The following LRRC4C variants were observed in gnomAD, a reference collection of about 807,000 sequenced individuals.
LRRC4C encodes leucine-rich repeat-containing protein 4C.
Under a neutral mutation model 33.6 loss-of-function variants are expected in LRRC4C, and 5 were observed. The ratio of observed to expected loss-of-function variants is 0.15; its 90% CI spans 0.08 to 0.31. LRRC4C has a LOEUF of 0.31. Among genes scored for constraint, LRRC4C ranks in the 10% least tolerant of loss-of-function variants. The probability of loss-of-function intolerance (pLI) is 1.00; values close to 1 mark genes in which losing one functional copy is unlikely to be tolerated. For synonymous variants in LRRC4C, 329 were observed against 302.0 expected, an observed-to-expected ratio of 1.09 and a Z score of -0.93; for missense variants, 560 against 796.7, an observed-to-expected ratio of 0.70 and a Z score of 3.58.
intron 1 of LRRC4C, among the ~76,000 whole-genome samples, chr11:41,369,864 A>C (rs959638878): frequency 3.3e-5 from 5 of 152,224 alleles, no homozygotes; most frequent in Non-Finnish European, 5.9e-5. Flanking sequence ...ATGGATTTGC[A>C]TGATGACAAG....
intron 5 of LRRC4C, among the ~76,000 whole-genome samples, chr11:40,142,047 C>A (rs1385567373): frequency 2.0e-5 from 3 of 151,954 alleles, no homozygotes; most frequent in African/African-American, 7.2e-5. Flanking sequence ...CTCTCGGAGG[C>A]CGAGGTGGGT....
At chr11:40,237,747 C>A (rs1200800909) in intron 5 of LRRC4C, among the ~76,000 whole-genome samples, 1 of 152,060 alleles carries the variant, frequency 6.6e-6, no homozygotes, top group East Asian at 1.9e-4. Context: ...AATATCTATG[C>A]CCTTGAAGTT....
At chr11:40,349,369 T>C (rs1947281097) in intron 3 of LRRC4C, among the ~76,000 whole-genome samples, 1 of 151,936 alleles carries the variant, frequency 6.6e-6, no homozygotes. Flanking sequence ...AGACCTCCAG[T>C]TCCGTCTATG....
intron 1 of LRRC4C, among the ~76,000 whole-genome samples, chr11:41,109,312 C>T (rs1465282461): frequency 6.6e-6 from 1 of 151,974 alleles, no homozygotes; most frequent in Non-Finnish European, 1.5e-5. Flanking sequence ...GCTCTCATGC[C>T]TTCACTGTTT....
chr11:41,253,071 A>G (rs896359788), intron 1 of LRRC4C, among the ~76,000 whole-genome samples: 1 of 152,132 alleles, frequency 6.6e-6, no homozygotes, highest in Admixed American at 6.6e-5. Flanking sequence ...GATCATTCAC[A>G]TGGCTATTTC....
intron 1 of LRRC4C, among the ~76,000 whole-genome samples, chr11:41,416,913 T>C (rs1466892925): frequency 6.6e-6 from 1 of 152,032 alleles, no homozygotes; most frequent in Non-Finnish European, 1.5e-5. Flanking sequence ...GCGTGGCAAC[T>C]GAGTAATGAG....
At chr11:41,132,149 G>A (rs966407199) in intron 1 of LRRC4C, among the ~76,000 whole-genome samples, 2 of 152,122 alleles carry the variant, frequency 1.3e-5, no homozygotes, top group South Asian at 4.1e-4. Context: ...GTCTGGATCA[G>A]ACCCTTTTCC....
intron 1 of LRRC4C, among the ~76,000 whole-genome samples, chr11:41,045,886 A>G (rs1392478889): frequency 6.6e-6 from 1 of 152,158 alleles, no homozygotes; most frequent in Non-Finnish European, 1.5e-5. Flanking sequence ...AACCCCCAGT[A>G]TCCTTATGTA....
chr11:41,004,829 C>A (rs1854625092), intron 1 of LRRC4C, among the ~76,000 whole-genome samples: 1 of 151,886 alleles, frequency 6.6e-6, no homozygotes, highest in South Asian at 2.1e-4. Flanking sequence ...ATTTTGAAGC[C>A]CCGGAGGTAT....
intron 1 of LRRC4C, among the ~76,000 whole-genome samples, chr11:41,278,778 C>A (rs1290235019): frequency 1.3e-5 from 2 of 152,020 alleles, no homozygotes; most frequent in African/African-American, 4.8e-5. Context: ...GCAATTATAG[C>A]AATTCATTGC....
At chr11:41,327,629 C>T (rs1291427034) in intron 1 of LRRC4C, among the ~76,000 whole-genome samples, 1 of 152,158 alleles carries the variant, frequency 6.6e-6, no homozygotes, top group African/African-American at 2.4e-5. Context: ...TATGGTTTGG[C>T]TGTGTCCCCA....
chr11:40,580,111 GA>G (rs2135636519), intron 3 of LRRC4C, among the ~76,000 whole-genome samples: 1 of 151,258 alleles, frequency 6.6e-6, no homozygotes, highest in South Asian at 2.1e-4. Context: ...AAGGGAGTGA[GA>G]AAAAATGCTA....
chr11:41,418,487 A>C (rs1339585466), intron 1 of LRRC4C, among the ~76,000 whole-genome samples: 1 of 151,984 alleles, frequency 6.6e-6, no homozygotes, highest in Non-Finnish European at 1.5e-5. Flanking sequence ...TATGTTCTGT[A>C]CTTAAGCCTG....
intron 2 of LRRC4C, among the ~76,000 whole-genome samples, chr11:40,653,190 G>T (rs576065224): frequency 5.3e-5 from 8 of 152,296 alleles, no homozygotes; most frequent in African/African-American, 1.9e-4. Flanking sequence ...CTGATATAAA[G>T]ATACCTGAAA....
intron 1 of LRRC4C, among the ~76,000 whole-genome samples, chr11:41,205,412 AG>A (rs1486874139): frequency 4.6e-5 from 7 of 152,194 alleles, no homozygotes; most frequent in Non-Finnish European, 1.0e-4. Context: ...TCAAGGCAGG[AG>A]ACAGCAGTGG....
chr11:40,463,579 C>G (rs980104520), intron 3 of LRRC4C, among the ~76,000 whole-genome samples: 1 of 151,962 alleles, frequency 6.6e-6, no homozygotes, highest in Non-Finnish European at 1.5e-5. Context: ...CTGGAAATAA[C>G]TCAATGTAAA....
chr11:40,415,922 A>G (rs1665745441), intron 3 of LRRC4C, among the ~76,000 whole-genome samples: 1 of 152,238 alleles, frequency 6.6e-6, no homozygotes. Flanking sequence ...TGTATGAGCT[A>G]TGAAATAGAA....
intron 3 of LRRC4C, among the ~76,000 whole-genome samples, chr11:40,462,584 G>A (rs1952452301): frequency 6.6e-6 from 1 of 152,030 alleles, no homozygotes; most frequent in Admixed American, 6.6e-5. Flanking sequence ...TGTTCTCAAA[G>A]ACCTTATGAA....
chr11:40,283,191 A>C (rs527877876), intron 4 of LRRC4C, among the ~76,000 whole-genome samples: 2 of 152,232 alleles, frequency 1.3e-5, no homozygotes, highest in Admixed American at 1.3e-4. Context: ...ATATTAAATT[A>C]GCACTAAAAT....
Sources: gnomAD v4.1 joint callset for allele counts (sites outside exome capture counted in the v4.1 genomes callset) on GRCh38, gnomAD v4.1.1 for gene constraint, MANE v1.5 for transcripts, NCBI Gene and HGNC (gene_info 2026-07-23, HGNC 2026-07-21) for gene names.